The following CTBP2 variants were observed in gnomAD, a reference collection of about 807,000 sequenced individuals.
The protein encoded by CTBP2 is C-terminal binding protein 2, also known as C-terminal-binding protein 2.
A neutral mutation model predicts 80.3 loss-of-function variants in CTBP2; 30 were observed. The ratio of observed to expected loss-of-function variants is 0.37; its 90% CI spans 0.28 to 0.51. The LOEUF (loss-of-function observed/expected upper bound fraction) is 0.51. Ranked by LOEUF, CTBP2 falls within the 20% of genes least tolerant of loss-of-function variation. The pLI is 0.93. For synonymous variants in CTBP2, 594 were observed against 587.4 expected (o/e 1.01, Z -0.16); for missense variants, 1,212 against 1,375.3 (o/e 0.88, Z 1.88).
chr10:125,152,496 CT>C (rs761045012), intron 1 of CTBP2, among the ~76,000 whole-genome samples: 7 of 152,226 alleles, frequency 4.6e-5, no homozygotes, highest in Non-Finnish European at 8.8e-5. Flanking sequence ...AAAACAGCCT[CT>C]TTATGACTTG....
In CTBP2 at chr10:124,992,864, G is replaced by A. The variant is rs570048983; in HGVS notation, c.2660-52C>T. The A allele has an allele frequency of 2.9e-6, 4 of 1,377,016 alleles. No individual in the cohort carries two copies. The African/African-American group carries it at 4.3e-5, about 15-fold the overall frequency. 85.3% of individuals were successfully genotyped at this position (1,377,016 alleles called of 1,614,324 possible). ...ATATTATTTTTACAAATCACAGTAA[G>A]TTCAACATTACACCTGTAGCTGCTT... On this transcript the variant is annotated intron_variant, in intron 7 of 8. Transcript: ENST00000309035.
chr10:125,015,151 C>T (rs1240146608), intron 1 of CTBP2, among the ~76,000 whole-genome samples: 1 of 152,168 alleles, frequency 6.6e-6, no homozygotes, highest in Non-Finnish European at 1.5e-5. Context: ...CCTGCGTGGT[C>T]AGTCCCGCTG....
At chr10:125,147,969 T>C (rs1859102150) in intron 1 of CTBP2, among the ~76,000 whole-genome samples, 1 of 152,112 alleles carries the variant, frequency 6.6e-6, no homozygotes, top group South Asian at 2.1e-4. Context: ...GAAACACTAC[T>C]TCATTGAATC....
At chr10:125,133,937 G>C (rs2136155658) in intron 1 of CTBP2, among the ~76,000 whole-genome samples, 1 of 152,298 alleles carries the variant, frequency 6.6e-6, no homozygotes. Flanking sequence ...TGGAAGACTG[G>C]AGCAGCTTCT....
intron 2 of CTBP2, among the ~76,000 whole-genome samples, chr10:125,052,841 C>T (rs971233317): frequency 3.9e-5 from 6 of 152,310 alleles, no homozygotes; most frequent in Non-Finnish European, 5.9e-5. Flanking sequence ...TGGAATTGGG[C>T]GCTTGGATCA....
intron 1 of CTBP2, chr10:125,158,587 C>T (rs1001782368): frequency 7.2e-5 from 11 of 152,196 alleles, no homozygotes; most frequent in Non-Finnish European, 4.4e-5. Context: ...AACCCGATCT[C>T]CAATCTTTAA....
At chr10:124,990,554 A>G (rs985065269) in intron 8 of CTBP2, among the ~76,000 whole-genome samples, 4 of 152,202 alleles carry the variant, frequency 2.6e-5, no homozygotes, top group Non-Finnish European at 5.9e-5. Flanking sequence ...AAAAAAACCC[A>G]CTTTGTACAA....
chr10:125,136,795 T>TC (rs1260319928), intron 1 of CTBP2, among the ~76,000 whole-genome samples: 3 of 151,932 alleles, frequency 2.0e-5, no homozygotes, highest in African/African-American at 4.8e-5. Context: ...TGCCTATTAG[T>TC]CCCCCCAAAA....
chr10:125,037,956 T>C (rs1380650851), intron 3 of CTBP2, among the ~76,000 whole-genome samples: 1 of 152,218 alleles, frequency 6.6e-6, no homozygotes, highest in African/African-American at 2.4e-5. Flanking sequence ...CACTGTACCA[T>C]CCTACCAACC....
At chr10:125,102,280 A>G (rs1011205417) in intron 2 of CTBP2, among the ~76,000 whole-genome samples, 1 of 152,266 alleles carries the variant, frequency 6.6e-6, no homozygotes, top group Non-Finnish European at 1.5e-5. Flanking sequence ...CACCAAGGCC[A>G]GGACCAAGTC....
chr10:125,017,146 T>A (rs998997596), intron 1 of CTBP2, among the ~76,000 whole-genome samples: 1 of 152,178 alleles, frequency 6.6e-6, no homozygotes, highest in Admixed American at 6.5e-5. Context: ...CCAGCCAAAG[T>A]GCAAGAAGAG....
At chr10:124,999,754 A>G (rs985499796) in intron 3 of CTBP2, 2 of 152,290 alleles carry the variant, frequency 1.3e-5, no homozygotes, top group Non-Finnish European at 2.9e-5. Context: ...TCAGCAGAGA[A>G]GCTGGGGCTT....
chr10:125,144,847 T>C (rs1292153310), intron 1 of CTBP2, among the ~76,000 whole-genome samples: 2 of 152,218 alleles, frequency 1.3e-5, no homozygotes, highest in Non-Finnish European at 2.9e-5. Context: ...CAAAACCAAT[T>C]TCTTTTCTAG....
rs142816787 is a variant in CTBP2 at position 125,020,395 on chromosome 10, C to T, written c.1678+5687G>A. 7.4e-3 allele frequency among the ~76,000 whole-genome samples: 1,127 copies of T among 152,248 alleles called. 13 individuals carry two copies. Among genetic ancestry groups the T allele is most frequent in the African/African-American group, 0.026 (1,087 of 41,540 alleles). On this transcript the variant is annotated intron_variant, in intron 1 of 8. Coordinates refer to ENST00000309035, the MANE Select transcript of CTBP2 (RefSeq NM_022802.3). ...CCTGCTTCCTGGAAAGCAGAGGGTC[C>T]GCTGGCCAAGACCTCCCTACTCCAT...
chr10:125,137,034 A>T (rs1715873), intron 1 of CTBP2, among the ~76,000 whole-genome samples: 49 of 152,118 alleles, frequency 3.2e-4, no homozygotes, highest in African/African-American at 1.1e-3. Context: ...GAAAACGAGA[A>T]GTTTGTTTAC....
chr10:125,123,196 T>A (rs1249762074), intron 1 of CTBP2, among the ~76,000 whole-genome samples: 1 of 151,322 alleles, frequency 6.6e-6, no homozygotes, highest in Non-Finnish European at 1.5e-5. Context: ...CCTGGCCACC[T>A]CAAGTGGATA....
chr10:125,070,023 T>C (rs1029586088), intron 2 of CTBP2, among the ~76,000 whole-genome samples: 39 of 151,758 alleles, frequency 2.6e-4, no homozygotes, highest in African/African-American at 9.5e-4. Flanking sequence ...GCTCAGCAGT[T>C]TTATATATAT....
At chr10:125,083,224 C>T (rs35060479) in intron 2 of CTBP2, among the ~76,000 whole-genome samples, 23,090 of 152,214 alleles carry the variant, frequency 0.15, 1,869 homozygotes, top group Middle Eastern at 0.25. Context: ...ACCACCAGGG[C>T]CAGCACGCAT....
chr10:125,027,269 A>T lies in CTBP2; in HGVS notation c.491T>A (p.Leu164Gln), dbSNP rs376442956. The T allele has an allele frequency of 5.0e-6, 8 of 1,613,656 alleles. No homozygotes were observed. The highest frequency in any genetic ancestry group is 6.8e-6 in the Non-Finnish European group (8 of 1,179,982). ...CATTTTACCTCCAGGATCCCGGTAC[A>T]GGTGACCGGCGTCCTGCAGGGCAGG... Residue 164 changes from leucine (L) to glutamine (Q), a missense_variant, in exon 1 of 9, where the codon CTG (leucine) becomes CAG (glutamine). Leu to Gln is a moderately radical substitution (Grantham distance 113). Transcript: ENST00000309035.
Sources: allele counts gnomAD v4.1 joint callset (sites outside exome capture counted in the v4.1 genomes callset), GRCh38; gene constraint gnomAD v4.1.1; transcripts MANE v1.5; gene names NCBI Gene and HGNC (gene_info 2026-07-23, HGNC 2026-07-21).